Variants in CLASP1 observed in about 807,000 individuals in gnomAD.
CLASP1 encodes the protein cytoplasmic linker associated protein 1.
A neutral mutation model predicts 192.3 loss-of-function variants in CLASP1; 38 were observed. The ratio of observed to expected loss-of-function variants is 0.20; its 90% CI spans 0.15 to 0.26. The LOEUF is 0.26. CLASP1 is among the 10% of genes least tolerant of loss of function. CLASP1 has a pLI of 1.00. For synonymous variants in CLASP1, 691 were observed against 712.8 expected (o/e 0.97, Z 0.49); for missense variants, 1,433 against 1,932.5 (o/e 0.74, Z 4.85).
At chr2:121,385,492 C>T (rs1482763179) in intron 32 of CLASP1, among the ~76,000 whole-genome samples, 3 of 152,106 alleles carry the variant, frequency 2.0e-5, no homozygotes, top group Admixed American at 2.0e-4. Flanking sequence ...GAATAATGAC[C>T]TTGAAAAACA....
intron 25 of CLASP1, among the ~76,000 whole-genome samples, chr2:121,405,155 A>C (rs1332045573): frequency 6.6e-6 from 1 of 152,090 alleles, no homozygotes; most frequent in Non-Finnish European, 1.5e-5. Context: ...CTAAAAATAA[A>C]AAAATTAGCC....
intron 8 of CLASP1, among the ~76,000 whole-genome samples, chr2:121,501,114 T>C (rs2093738758): frequency 6.6e-6 from 1 of 152,204 alleles, no homozygotes; most frequent in African/African-American, 2.4e-5. Flanking sequence ...GATGCAGTCT[T>C]TCTCCCCAAT....
chr2:121,406,745 A>G (rs575859906), intron 25 of CLASP1, among the ~76,000 whole-genome samples: 1 of 152,134 alleles, frequency 6.6e-6, no homozygotes, highest in South Asian at 2.1e-4. Flanking sequence ...GCATATCACC[A>G]CATCCGGCTA....
intron 37 of CLASP1, among the ~76,000 whole-genome samples, chr2:121,354,650 C>A (rs1231178099): frequency 6.8e-6 from 1 of 146,366 alleles, no homozygotes; most frequent in African/African-American, 2.8e-5. Context: ...AGCTAAGGAA[C>A]TTTTAGGCCT....
At chr2:121,522,000 C>T (rs763568114) in intron 6 of CLASP1, among the ~76,000 whole-genome samples, 5 of 152,072 alleles carry the variant, frequency 3.3e-5, no homozygotes, top group Non-Finnish European at 7.4e-5. Flanking sequence ...AAGGCAACAG[C>T]AAAAGCACAT....
intron 13 of CLASP1, among the ~76,000 whole-genome samples, chr2:121,458,626 A>G (rs1444158679): frequency 2.0e-5 from 3 of 152,244 alleles, no homozygotes; most frequent in East Asian, 1.9e-4. Context: ...CATTAACTTT[A>G]TAACACAACC....
intron 6 of CLASP1, 73 bp downstream of exon 6, chr2:121,525,772 C>G (rs1450251143): frequency 9.7e-7 from 1 of 1,026,026 alleles, no homozygotes; most frequent in East Asian, 2.4e-5. Flanking sequence ...GTCCCACCCA[C>G]TACGGAACAC....
chr2:121,585,092 ATG>A (rs1278099458), intron 2 of CLASP1, among the ~76,000 whole-genome samples: 2 of 152,228 alleles, frequency 1.3e-5, no homozygotes, highest in East Asian at 3.8e-4. Flanking sequence ...AAGAAAAACT[ATG>A]GAGAGATTAA....
chr2:121,636,578 T>G (rs1376017762), intron 1 of CLASP1, among the ~76,000 whole-genome samples: 1 of 151,920 alleles, frequency 6.6e-6, no homozygotes, highest in Non-Finnish European at 1.5e-5. Flanking sequence ...GGCATGAGAA[T>G]CACTTGAACA....
At chr2:121,430,216 CAGTAA>C (rs1480030564) in intron 19 of CLASP1, 39 bp from the exon 20 acceptor site, 1 of 1,438,918 alleles carries the variant, frequency 6.9e-7, no homozygotes, top group South Asian at 1.2e-5. Flanking sequence ...ACAACATTTC[CAGTAA>C]GTGCCACCTC....
chr2:121,509,978 C>A (rs2094073498), intron 7 of CLASP1, among the ~76,000 whole-genome samples: 1 of 151,902 alleles, frequency 6.6e-6, no homozygotes, highest in South Asian at 2.1e-4. Flanking sequence ...TCAAACACTC[C>A]TAAGTAACAA....
chr2:121,450,856 AT>A (rs1355584647), intron 16 of CLASP1, 56 bp downstream of exon 16: 10 of 1,227,358 alleles, frequency 8.1e-6, no homozygotes, highest in Non-Finnish European at 1.2e-5. Flanking sequence ...CAATCCTATA[AT>A]TCATGTGAAA....
At chr2:121,628,435 G>C (rs2068791472) in intron 1 of CLASP1, among the ~76,000 whole-genome samples, 2 of 152,040 alleles carry the variant, frequency 1.3e-5, no homozygotes, top group South Asian at 4.1e-4. Context: ...CAGCACTTTG[G>C]GAGCCTGAGG....
chr2:121,610,696 G>A (rs1341451125), intron 1 of CLASP1, among the ~76,000 whole-genome samples: 2 of 147,460 alleles, frequency 1.4e-5, no homozygotes, highest in East Asian at 2.1e-4. Context: ...GGAGAAAGAG[G>A]AACTGGAGAA....
intron 8 of CLASP1, among the ~76,000 whole-genome samples, chr2:121,500,378 AAGAAAGAAAGAAAGAAAG>A (rs2093703619): frequency 7.4e-6 from 1 of 135,756 alleles, no homozygotes; most frequent in Non-Finnish European, 1.5e-5. Flanking sequence ...GAAAGAAAGA[AAGAAAGAAAGAAAGAAAG>A]AAAAGAAAGA....
At chr2:121,489,972 C>G (rs1244301182) in intron 8 of CLASP1, among the ~76,000 whole-genome samples, 2 of 152,192 alleles carry the variant, frequency 1.3e-5, no homozygotes, top group South Asian at 2.1e-4. Context: ...AACCCTCATA[C>G]TGTGAACATA....
chr2:121,627,258 T>A (rs1480708526), intron 1 of CLASP1, among the ~76,000 whole-genome samples: 1 of 152,176 alleles, frequency 6.6e-6, no homozygotes, highest in East Asian at 1.9e-4. Context: ...TTGCAACTTC[T>A]TGTGAATCTA....
At chr2:121,447,560 T>C (rs575361237) in intron 18 of CLASP1, 53 bp from the exon 19 acceptor site, 1 of 1,384,068 alleles carries the variant, frequency 7.2e-7, no homozygotes, top group East Asian at 2.5e-5. Context: ...ATTTTGAAAA[T>C]ACATTGCTAA....
rs1036421090 is a variant in CLASP1 at position 121,348,783 on chromosome 2, C to T, written c.4207-65G>A. On this transcript the variant is annotated intron_variant, in intron 37 of 39. Coordinates refer to ENST00000263710, the Ensembl canonical transcript of CLASP1. Reference sequence around the variant, plus strand: ...CCACATGAAGCGAAAGACCAAACATCACTTTTGATTTCAGAGGCCAAAGGA... The same window carrying T: ...CCACATGAAGCGAAAGACCAAACATTACTTTTGATTTCAGAGGCCAAAGGA... 2.9e-5 allele frequency: 40 copies of T among 1,392,530 alleles called. 1 individual carries two copies. The African/African-American group carries it at 5.3e-4, about 19-fold the overall frequency. The allele number at this position is 1,392,530 out of a possible 1,614,324, so 86.3% of individuals were successfully genotyped here.
Sources: allele counts gnomAD v4.1 joint callset (sites outside exome capture counted in the v4.1 genomes callset), GRCh38; gene constraint gnomAD v4.1.1; transcripts MANE v1.5; gene names NCBI Gene and HGNC (gene_info 2026-07-23, HGNC 2026-07-21).